KIF16B: variants seen among roughly 807,000 people sequenced by gnomAD.
The protein encoded by KIF16B is kinesin family member 16B.
A neutral mutation model predicts 156.3 loss-of-function variants in KIF16B; 98 were observed. That is an observed-to-expected ratio of 0.63 (90% CI 0.53 to 0.74). The LOEUF (loss-of-function observed/expected upper bound fraction) is 0.74, where lower values mean the gene tolerates loss of function less well. Among genes scored for constraint, KIF16B ranks in the 30% least tolerant of loss-of-function variants. The pLI, the probability that KIF16B is intolerant of heterozygous loss-of-function variation, is 0.00. For synonymous variants in KIF16B, 564 were observed against 583.7 expected (o/e 0.97, Z 0.49); for missense variants, 1,421 against 1,606.5 (o/e 0.88, Z 1.97).
chr20:16,356,010 G>A (rs998057439), intron 23 of KIF16B, among the ~76,000 whole-genome samples: 18 of 152,110 alleles, frequency 1.2e-4, no homozygotes, highest in African/African-American at 4.1e-4. Flanking sequence ...CAGGACTGTG[G>A]GGTTTCCCAA....
At chr20:16,528,103 G>A (rs1377559231) in intron 2 of KIF16B, among the ~76,000 whole-genome samples, 1 of 152,128 alleles carries the variant, frequency 6.6e-6, no homozygotes, top group Non-Finnish European at 1.5e-5. Context: ...GAAAATGCCC[G>A]AATCTGGGAT....
rs770026836 is a variant in KIF16B, at chr20:16,378,882, G to T, written c.3120C>A (p.Asn1040Lys). ...EEQRQKLASL[N>K]SGSREQSGLQ... ...GCCCTGACTGCTCTCTGCTGCCACTGTTCAGACTGGCAAGTTTCTGCCTCT... is the reference window on the plus strand; with the variant it reads ...GCCCTGACTGCTCTCTGCTGCCACTTTTCAGACTGGCAAGTTTCTGCCTCT... Residue 1040 changes from asparagine (N) to lysine (K), a missense_variant, in exon 19 of 26, where the codon AAC becomes AAA. Coordinates refer to ENST00000354981, the MANE Select transcript of KIF16B (RefSeq NM_024704.5). The T allele has an allele frequency of 6.8e-6, 11 of 1,614,146 alleles. No homozygotes were observed. The highest frequency in any genetic ancestry group is 8.5e-6 in the Non-Finnish European group (10 of 1,180,006).
chr20:16,283,847 A>G (rs183313516), intron 25 of KIF16B, among the ~76,000 whole-genome samples: 29 of 152,244 alleles, frequency 1.9e-4, no homozygotes, highest in African/African-American at 6.3e-4. Flanking sequence ...AAACTCCTTC[A>G]GGTTGTTGGC....
intron 15 of KIF16B, among the ~76,000 whole-genome samples, chr20:16,410,302 T>C (rs1190883995): frequency 7.7e-6 from 1 of 129,414 alleles, no homozygotes; most frequent in Admixed American, 7.4e-5. Context: ...CATATATATG[T>C]GTGTGTGTGT....
At chr20:16,482,492 T>G (rs1285666652) in intron 12 of KIF16B, among the ~76,000 whole-genome samples, 1 of 151,996 alleles carries the variant, frequency 6.6e-6, no homozygotes, top group African/African-American at 2.4e-5. Context: ...TATGAAAGAC[T>G]GAAGAGAACA....
At position 16,406,360 on chromosome 20, in the gene KIF16B, G is replaced by A. The variant is rs189163638; in HGVS notation, c.1695+14C>T. The A allele has an allele frequency of 5.8e-5, 93 of 1,610,410 alleles. No homozygotes were observed. In the African/African-American group the frequency reaches 7.7e-4, roughly 13 times the overall value. The stretch of plus-strand genomic sequence containing the variant: ...CGATCAGTGGTTCCCTCCTAGAGAC[G>A]CCGTGTCCCTCACCTTCCTCTTCTC... On this transcript the variant is annotated intron_variant, in intron 16 of 25. Transcript: ENST00000354981.
intron 25 of KIF16B, among the ~76,000 whole-genome samples, chr20:16,304,661 T>C (rs1035606670): frequency 1.3e-5 from 2 of 152,230 alleles, no homozygotes; most frequent in African/African-American, 4.8e-5. Flanking sequence ...TCTATTATTA[T>C]ATGTTTTGTA....
chr20:16,400,628 G>A (rs901762174), intron 17 of KIF16B, among the ~76,000 whole-genome samples: 7 of 152,178 alleles, frequency 4.6e-5, no homozygotes, highest in African/African-American at 1.7e-4. Context: ...ATCAACAGAT[G>A]AATGGATAAA....
intron 1 of KIF16B, among the ~76,000 whole-genome samples, chr20:16,557,688 C>T (rs1424200232): frequency 6.6e-6 from 1 of 152,150 alleles, no homozygotes; most frequent in Non-Finnish European, 1.5e-5. Flanking sequence ...CCCCTGGCAC[C>T]TGGTCCTCCA....
intron 25 of KIF16B, among the ~76,000 whole-genome samples, chr20:16,310,638 AG>A (rs1396740863): frequency 6.6e-6 from 1 of 152,236 alleles, no homozygotes; most frequent in Non-Finnish European, 1.5e-5. Context: ...GGGAAGAGTT[AG>A]GTAAAGAAAA....
chr20:16,333,328 C>T (rs900250040), intron 24 of KIF16B, among the ~76,000 whole-genome samples: 1 of 152,144 alleles, frequency 6.6e-6, no homozygotes, highest in Admixed American at 6.5e-5. Context: ...TAGTCCACTA[C>T]CCAGCTCTCA....
intron 12 of KIF16B, among the ~76,000 whole-genome samples, chr20:16,477,185 T>C (rs1374223096): frequency 2.5e-5 from 3 of 118,692 alleles, no homozygotes; most frequent in Non-Finnish European, 3.3e-5. Flanking sequence ...AATTTCCTTG[T>C]GGGTTTTTTT....
intron 12 of KIF16B, among the ~76,000 whole-genome samples, chr20:16,438,631 A>C (rs1278892015): frequency 1.3e-5 from 2 of 152,198 alleles, no homozygotes; most frequent in Non-Finnish European, 2.9e-5. Context: ...ACAGTCACCA[A>C]GATTACTAGG....
chr20:16,323,252 A>C (rs1271044948), intron 24 of KIF16B, among the ~76,000 whole-genome samples: 1 of 152,024 alleles, frequency 6.6e-6, no homozygotes, highest in Non-Finnish European at 1.5e-5. Context: ...ATAGCACTCG[A>C]ATTGGTCAAA....
chr20:16,284,453 G>A (rs188142787), intron 25 of KIF16B, among the ~76,000 whole-genome samples: 5 of 152,080 alleles, frequency 3.3e-5, no homozygotes, highest in African/African-American at 9.7e-5. Context: ...TGTATGTCCC[G>A]GATTGCAATC....
chr20:16,348,120 AC>A (rs1169660383), intron 23 of KIF16B, among the ~76,000 whole-genome samples: 1 of 152,212 alleles, frequency 6.6e-6, no homozygotes, highest in Admixed American at 6.5e-5. Context: ...AGTACCCATG[AC>A]TTGGTCAGCA....
At position 16,508,053 on chromosome 20, in the gene KIF16B, T is replaced by G; in HGVS notation, c.604A>C (p.Met202Leu). The change falls in exon 7 of 26, where the codon ATG becomes CTG. Residue 202 changes from methionine (M) to leucine (L), a missense_variant. Coordinates refer to ENST00000354981, the MANE Select transcript of KIF16B (RefSeq NM_024704.5). The stretch of plus-strand genomic sequence containing the variant: ...GTCCGGTTGATATTGCCCGCATCCA[T>G]AAGTTCTTCTACGTCACCATAATTC... Reference protein sequence around the residue: ...VQNYGDVEELMDAGNINRTTA... With the variant: ...VQNYGDVEELLDAGNINRTTA... 18 of 1,614,134 alleles carry G rather than the reference T, an allele frequency of 1.1e-5. No homozygotes were observed. Among genetic ancestry groups the G allele is most frequent in the Non-Finnish European group, 1.5e-5 (18 of 1,179,996 alleles).
At chr20:16,510,705 G>C (rs1600583271) in intron 6 of KIF16B, among the ~76,000 whole-genome samples, 1 of 152,224 alleles carries the variant, frequency 6.6e-6, no homozygotes, top group East Asian at 1.9e-4. Context: ...GTATCTCCCA[G>C]GAAAAGAAGA....
At chr20:16,296,022 A>G (rs6514671) in intron 25 of KIF16B, among the ~76,000 whole-genome samples, 39,269 of 152,144 alleles carry the variant, frequency 0.26, 5,326 homozygotes, top group Non-Finnish European at 0.28. Context: ...CCAGGGGCCC[A>G]AGAGCTAATT....
Sources: allele counts gnomAD v4.1 joint callset (sites outside exome capture counted in the v4.1 genomes callset), GRCh38; gene constraint gnomAD v4.1.1; transcripts MANE v1.5; gene names NCBI Gene and HGNC (gene_info 2026-07-23, HGNC 2026-07-21).